The following TNR variants were observed in gnomAD, a reference collection of about 807,000 sequenced individuals.
The protein encoded by TNR is tenascin R.
Under a neutral mutation model 150.4 loss-of-function variants are expected in TNR, and 45 were observed. The ratio of observed to expected loss-of-function variants is 0.30; its 90% CI spans 0.24 to 0.38. TNR has a LOEUF of 0.38. Ranked by LOEUF, TNR falls within the 10% of genes least tolerant of loss-of-function variation. The probability of loss-of-function intolerance (pLI) is 1.00; values close to 1 mark genes in which losing one functional copy is unlikely to be tolerated. For missense variants in TNR, 1,544 were observed against 1,759.1 expected (o/e 0.88, Z 2.19); for synonymous variants, 687 against 678.4 (o/e 1.01, Z -0.20).
chr1:175,464,744 G>A (rs916178471), intron 2 of TNR, among the ~76,000 whole-genome samples: 15 of 152,170 alleles, frequency 9.9e-5, no homozygotes, highest in Admixed American at 6.5e-5. Flanking sequence ...GCCAGAAAAT[G>A]CTCGTTCTAA....
chr1:175,556,408 C>A (rs1274913798), intron 1 of TNR, among the ~76,000 whole-genome samples: 1 of 152,234 alleles, frequency 6.6e-6, no homozygotes, highest in Non-Finnish European at 1.5e-5. Context: ...TAGCATGCAT[C>A]TTTCATCTTT....
intron 2 of TNR, among the ~76,000 whole-genome samples, chr1:175,444,411 C>G (rs964110729): frequency 1.1e-4 from 17 of 152,156 alleles, no homozygotes; most frequent in African/African-American, 4.1e-4. Flanking sequence ...AAGAGGTGCA[C>G]ATGAACAGGT....
At chr1:175,393,955 C>T (rs1653300756) in intron 5 of TNR, 60 bp from the exon 6 acceptor site, 2 of 1,340,768 alleles carry the variant, frequency 1.5e-6, no homozygotes, top group Non-Finnish European at 2.1e-6. Flanking sequence ...GACAGCATTG[C>T]CTGGTGCTTT....
At chr1:175,611,140 C>T (rs1571673747) in intron 1 of TNR, among the ~76,000 whole-genome samples, 1 of 152,252 alleles carries the variant, frequency 6.6e-6, no homozygotes, top group African/African-American at 2.4e-5. Context: ...TAAAAAATTG[C>T]AGGCTAATTT....
chr1:175,486,998 A>C (rs113915175), intron 2 of TNR, among the ~76,000 whole-genome samples: 3,865 of 152,236 alleles, frequency 0.025, 58 homozygotes, highest in African/African-American at 0.037. Flanking sequence ...AACTTGTTTA[A>C]GTTCTTTGTA....
At chr1:175,696,521 T>A (rs1343681806) in intron 1 of TNR, among the ~76,000 whole-genome samples, 1 of 152,128 alleles carries the variant, frequency 6.6e-6, no homozygotes, top group East Asian at 1.9e-4. Flanking sequence ...TGGTTATGAA[T>A]TGGATAATCC....
At chr1:175,480,238 G>A (rs1657722543) in intron 2 of TNR, among the ~76,000 whole-genome samples, 1 of 151,750 alleles carries the variant, frequency 6.6e-6, no homozygotes, top group Admixed American at 6.6e-5. Context: ...AGTTGAGAAG[G>A]CAGCACCAAC....
chr1:175,641,784 G>A (rs991152873), intron 1 of TNR, among the ~76,000 whole-genome samples: 1 of 152,136 alleles, frequency 6.6e-6, no homozygotes, highest in Non-Finnish European at 1.5e-5. Context: ...AAACCAAAGC[G>A]GGAGATGTGT....
At chr1:175,595,651 C>T (rs772075685) in intron 1 of TNR, among the ~76,000 whole-genome samples, 4 of 152,132 alleles carry the variant, frequency 2.6e-5, no homozygotes, top group African/African-American at 4.8e-5. Context: ...CTATAGTAGA[C>T]CCACTAAATT....
At chr1:175,542,284 A>C (rs1326134018) in intron 1 of TNR, among the ~76,000 whole-genome samples, 1 of 152,196 alleles carries the variant, frequency 6.6e-6, no homozygotes, top group Admixed American at 6.5e-5. Flanking sequence ...TTTTATTTGT[A>C]AGTGTAAGCT....
rs78536901 is a variant in TNR, at chr1:175,377,346, C to T, written c.1963+2206G>A. On this transcript the variant is annotated intron_variant, in intron 9 of 22. Transcript: ENST00000367674. Reference sequence around the variant, plus strand: ...TCTCATGATGTCATGGCGCATCCTCCATCTGAACAGTTAGCCATCGATTTT... The same window carrying T: ...TCTCATGATGTCATGGCGCATCCTCTATCTGAACAGTTAGCCATCGATTTT... 2.0e-5 allele frequency among the ~76,000 whole-genome samples: 3 copies of T among 152,276 alleles called. No individual in the cohort carries two copies. The East Asian group carries it at 5.8e-4, about 29-fold the overall frequency.
At chr1:175,486,354 T>G (rs1658016024) in intron 2 of TNR, among the ~76,000 whole-genome samples, 1 of 151,402 alleles carries the variant, frequency 6.6e-6, no homozygotes, top group African/African-American at 2.4e-5. Flanking sequence ...CAACTCCCAC[T>G]TGTGAGTGAG....
intron 1 of TNR, among the ~76,000 whole-genome samples, chr1:175,602,163 C>T (rs1663263232): frequency 7.1e-6 from 1 of 141,830 alleles, no homozygotes; most frequent in Admixed American, 7.2e-5. Context: ...AATGTATCTT[C>T]CAACTACTTG....
intron 8 of TNR, among the ~76,000 whole-genome samples, chr1:175,385,774 G>A (rs1652887205): frequency 6.6e-6 from 1 of 152,192 alleles, no homozygotes; most frequent in African/African-American, 2.4e-5. Flanking sequence ...GGCCCATAGT[G>A]GGGAAGGATT....
At chr1:175,728,680 C>T (rs1053170500) in intron 1 of TNR, among the ~76,000 whole-genome samples, 8 of 152,146 alleles carry the variant, frequency 5.3e-5, no homozygotes, top group Admixed American at 5.2e-4. Flanking sequence ...TGGCTCAGGG[C>T]CTTTCAAGTA....
At chr1:175,477,418 C>T (rs575887532) in intron 2 of TNR, among the ~76,000 whole-genome samples, 1 of 152,248 alleles carries the variant, frequency 6.6e-6, no homozygotes, top group East Asian at 1.9e-4. Context: ...GTGCTTTTAC[C>T]TCTCACTGTG....
chr1:175,355,843 T>C (rs1651299398), intron 16 of TNR, among the ~76,000 whole-genome samples: 1 of 152,184 alleles, frequency 6.6e-6, no homozygotes. Flanking sequence ...CTACTTCCCC[T>C]TCCCTTACAG....
chr1:175,695,984 A>T (rs885775), intron 1 of TNR, among the ~76,000 whole-genome samples: 1 of 84,506 alleles, frequency 1.2e-5, no homozygotes, highest in Non-Finnish European at 2.3e-5. Flanking sequence ...ACAGATGGAT[A>T]TATGGATGGA....
At chr1:175,559,301 A>G (rs10913001) in intron 1 of TNR, among the ~76,000 whole-genome samples, 2,483 of 152,326 alleles carry the variant, frequency 0.016, 61 homozygotes, top group African/African-American at 0.055. Context: ...ATTTTATGCC[A>G]TGTGAATTTC....
Sources: allele counts gnomAD v4.1 joint callset (sites outside exome capture counted in the v4.1 genomes callset), GRCh38; gene constraint gnomAD v4.1.1; transcripts MANE v1.5; gene names NCBI Gene and HGNC (gene_info 2026-07-23, HGNC 2026-07-21).